Variants in CCDC178 observed in about 807,000 individuals in gnomAD.
The protein encoded by CCDC178 is coiled-coil domain containing 178.
Under a neutral mutation model 117.4 loss-of-function variants are expected in CCDC178, and 126 were observed. The observed-to-expected ratio is 1.07, with a 90% CI of 0.93 to 1.24. CCDC178 has a LOEUF of 1.24. Among genes scored for constraint, CCDC178 ranks in the 50% most tolerant of loss-of-function variants. The probability of loss-of-function intolerance (pLI) is 0.00; values close to 1 mark genes in which losing one functional copy is unlikely to be tolerated. For synonymous variants in CCDC178, 283 were observed against 313.4 expected, an observed-to-expected ratio of 0.90 and a Z score of 1.02; for missense variants, 1,030 against 986.9, an observed-to-expected ratio of 1.04 and a Z score of -0.59.
chr18:33,376,736 G>A (rs1483676680), intron 5 of CCDC178, among the ~76,000 whole-genome samples: 1 of 152,080 alleles, frequency 6.6e-6, no homozygotes, highest in Non-Finnish European at 1.5e-5. Context: ...ACCTACTTAG[G>A]ATAATGGCTT....
intron 20 of CCDC178, among the ~76,000 whole-genome samples, chr18:33,145,869 T>C (rs2058261720): frequency 6.6e-6 from 1 of 152,180 alleles, no homozygotes; most frequent in Admixed American, 6.5e-5. Flanking sequence ...AGTGGACTTC[T>C]GTGGATTAGA....
chr18:33,085,467 G>C (rs1182827929), intron 21 of CCDC178, among the ~76,000 whole-genome samples: 1 of 152,128 alleles, frequency 6.6e-6, no homozygotes, highest in Non-Finnish European at 1.5e-5. Context: ...GGAGGCTGAG[G>C]CAGGAAAATG....
chr18:33,059,014 G>A (rs7234392), intron 21 of CCDC178, among the ~76,000 whole-genome samples: 1 of 152,104 alleles, frequency 6.6e-6, no homozygotes, highest in South Asian at 2.1e-4. Context: ...GCTGCCAGTA[G>A]TATCCTGGAG....
chr18:32,983,171 A>G, intron 21 of CCDC178: 1 of 630,128 alleles, frequency 1.6e-6, no homozygotes, highest in Non-Finnish European at 2.7e-6. Flanking sequence ...AGTACACTGG[A>G]GTGGGAATTG....
chr18:33,348,091 A>G (rs1246305382), intron 8 of CCDC178, among the ~76,000 whole-genome samples: 1 of 152,006 alleles, frequency 6.6e-6, no homozygotes, highest in Non-Finnish European at 1.5e-5. Context: ...TTATGTGAAA[A>G]CTTGATAAGT....
chr18:33,056,575 A>G lies in CCDC178; in HGVS notation c.2388+36186T>C, dbSNP rs561799759. Among the ~76,000 whole-genome samples the G allele has an allele frequency of 2.6e-3, 393 of 152,336 alleles. 1 individual carries two copies. Among genetic ancestry groups the G allele is most frequent in the Non-Finnish European group, 4.9e-3 (330 of 68,028 alleles). On this transcript the variant is annotated intron_variant, in intron 21 of 22. Coordinates refer to ENST00000383096, the MANE Select transcript of CCDC178 (RefSeq NM_001105528.4). The stretch of plus-strand genomic sequence containing the variant: ...AAAGAATCAGAACAGATATAGGGAT[A>G]AATAATAAAAGTGAGAAGATTGAGA...
At chr18:33,121,513 G>A (rs549267600) in intron 20 of CCDC178, among the ~76,000 whole-genome samples, 2 of 152,234 alleles carry the variant, frequency 1.3e-5, no homozygotes, top group East Asian at 3.9e-4. Context: ...CATAGACATG[G>A]ATCGATATTC....
At chr18:33,260,323 T>C (rs1050878906) in intron 14 of CCDC178, among the ~76,000 whole-genome samples, 1 of 152,134 alleles carries the variant, frequency 6.6e-6, no homozygotes, top group African/African-American at 2.4e-5. Context: ...TACCTATTCA[T>C]TCTACTCGTT....
chr18:33,404,981 T>G (rs976779146), intron 3 of CCDC178, among the ~76,000 whole-genome samples: 18 of 152,028 alleles, frequency 1.2e-4, no homozygotes, highest in Non-Finnish European at 2.4e-4. Context: ...GAAAGAATGC[T>G]AGTGGTACAG....
chr18:33,161,863 G>C (rs1306917969), intron 20 of CCDC178, among the ~76,000 whole-genome samples: 2 of 152,092 alleles, frequency 1.3e-5, no homozygotes, highest in Non-Finnish European at 2.9e-5. Context: ...ATTGTGAATA[G>C]TGCCACAATA....
chr18:33,081,471 T>A (rs559922313), intron 21 of CCDC178, among the ~76,000 whole-genome samples: 26 of 152,300 alleles, frequency 1.7e-4, no homozygotes, highest in African/African-American at 6.3e-4. Flanking sequence ...AGTGCAATGA[T>A]CCTTACTATA....
chr18:32,977,350 G>A (rs1457341588), intron 21 of CCDC178, among the ~76,000 whole-genome samples: 1 of 152,078 alleles, frequency 6.6e-6, no homozygotes, highest in African/African-American at 2.4e-5. Context: ...AAACACCCAA[G>A]GGTTCCGTAG....
intron 20 of CCDC178, among the ~76,000 whole-genome samples, chr18:33,206,596 A>AT (rs1568055559): frequency 6.6e-6 from 1 of 152,016 alleles, no homozygotes; most frequent in Non-Finnish European, 1.5e-5. Flanking sequence ...TGTTAAAATA[A>AT]TTTTTTTCTA....
At chr18:33,097,091 C>T (rs2057554354) in intron 20 of CCDC178, among the ~76,000 whole-genome samples, 2 of 152,096 alleles carry the variant, frequency 1.3e-5, no homozygotes, top group Admixed American at 1.3e-4. Context: ...TTTCTCCTTC[C>T]TTTGAACCTG....
chr18:33,031,240 GT>G (rs199589045), intron 21 of CCDC178, among the ~76,000 whole-genome samples: 5,001 of 141,404 alleles, frequency 0.035, 126 homozygotes, highest in East Asian at 0.084. Context: ...TATTTTTGGA[GT>G]TTTTTTTTTT....
chr18:33,065,130 G>A (rs1218656518), intron 21 of CCDC178, among the ~76,000 whole-genome samples: 1 of 152,074 alleles, frequency 6.6e-6, no homozygotes, highest in African/African-American at 2.4e-5. Flanking sequence ...GGAGAGGTTG[G>A]TCAATGAATA....
At chr18:32,968,414 T>C (rs1457719124) in intron 22 of CCDC178, among the ~76,000 whole-genome samples, 2 of 152,006 alleles carry the variant, frequency 1.3e-5, no homozygotes, top group Non-Finnish European at 2.9e-5. Context: ...GGCATTTGGG[T>C]TGATTTCAAG....
intron 3 of CCDC178, among the ~76,000 whole-genome samples, chr18:33,397,699 C>T (rs181635851): frequency 3.7e-4 from 56 of 152,140 alleles, no homozygotes; most frequent in African/African-American, 1.3e-3. Context: ...CTAGAAAATC[C>T]TCAGTACAAA....
intron 22 of CCDC178, among the ~76,000 whole-genome samples, chr18:32,947,598 T>A (rs2054385163): frequency 6.6e-6 from 1 of 152,196 alleles, no homozygotes; most frequent in African/African-American, 2.4e-5. Context: ...TTTTTAACAT[T>A]TATATTCTGG....
Sources: allele counts gnomAD v4.1 joint callset (sites outside exome capture counted in the v4.1 genomes callset), GRCh38; gene constraint gnomAD v4.1.1; transcripts MANE v1.5; gene names NCBI Gene and HGNC (gene_info 2026-07-23, HGNC 2026-07-21).